ABHD3: variants seen among roughly 807,000 people sequenced by gnomAD.
ABHD3 encodes abhydrolase domain containing 3, phospholipase.
In ABHD3, 46 loss-of-function variants were observed where a neutral mutation model predicts 48.8. That is an observed-to-expected ratio of 0.94 (90% CI 0.74 to 1.20). ABHD3 has a LOEUF of 1.20. Ranked by LOEUF, ABHD3 falls within the 50% of genes most tolerant of loss-of-function variation. ABHD3 has a pLI of 0.00. For missense variants in ABHD3, 490 were observed against 497.8 expected, an observed-to-expected ratio of 0.98 and a Z score of 0.15; for synonymous variants, 192 against 183.7, an observed-to-expected ratio of 1.04 and a Z score of -0.36.
intron 3 of ABHD3, 101 bp downstream of exon 3, chr18:21,702,215 C>A: frequency 9.4e-7 from 1 of 1,067,562 alleles, no homozygotes. Flanking sequence ...GACTGCTTTT[C>A]TATGCAAGAA....
At position 21,659,356 on chromosome 18, in the gene ABHD3, G is replaced by A. The variant is rs1474190543; in HGVS notation, c.669-13C>T. ...TAGAAGCAGCATTCTAAAATGGGGA[G>A]AAACAGGAAACTCAGTGATTAATTT... On this transcript the variant is annotated splice_polypyrimidine_tract_variant and intron_variant, in intron 5 of 8. Transcript: ENST00000289119. The A allele has an allele frequency of 1.3e-6, 2 of 1,598,136 alleles. No individual in the cohort carries two copies. The highest frequency in any genetic ancestry group is 2.3e-5 in the South Asian group (2 of 88,420).
chr18:21,683,322 G>A (rs910019732), intron 4 of ABHD3, among the ~76,000 whole-genome samples: 1 of 151,816 alleles, frequency 6.6e-6, no homozygotes, highest in South Asian at 2.1e-4. Flanking sequence ...AGAATTAGAG[G>A]GGGAAAAAAA....
At chr18:21,684,479 C>T (rs1051044149) in intron 3 of ABHD3, among the ~76,000 whole-genome samples, 5 of 151,600 alleles carry the variant, frequency 3.3e-5, no homozygotes, top group South Asian at 2.1e-4. Context: ...CCACCATGCG[C>T]GGCTAATTTT....
In ABHD3 at chr18:21,659,324, A is replaced by C. The variant is rs770007403; in HGVS notation, c.688T>G (p.Leu230Val). 54 of 1,609,508 alleles carry C rather than the reference A, an allele frequency of 3.4e-5. No individual in the cohort carries two copies. Among genetic ancestry groups the C allele is most frequent in the Non-Finnish European group, 4.4e-5 (52 of 1,178,898 alleles). The change falls in exon 6 of 9, where the codon TTG (leucine) becomes GTG (valine). Residue 230 changes from leucine (L) to valine (V), a missense_variant. By Grantham distance (32) the Leu-to-Val change is conservative. Coordinates refer to ENST00000289119, the MANE Select transcript of ABHD3 (RefSeq NM_138340.5). Reference sequence around the variant, plus strand: ...GGCGTTTTGGACCCAATTTTGCCCAAGTAATTTAGAAGCAGCATTCTAAAA... The same window carrying C: ...GGCGTTTTGGACCCAATTTTGCCCACGTAATTTAGAAGCAGCATTCTAAAA... ...SMGGMLLLNY[L>V]GKIGSKTPLM... is the part of the protein sequence containing the mutation.
At chr18:21,696,881 CTTATT>C (rs1463665441) in intron 3 of ABHD3, among the ~76,000 whole-genome samples, 1 of 151,850 alleles carries the variant, frequency 6.6e-6, no homozygotes, top group Admixed American at 6.6e-5. Flanking sequence ...CCTGGCCTCT[CTTATT>C]TTATTTACCT....
chr18:21,704,396 G>T, intron 1 of ABHD3, 108 bp downstream of exon 1: 1 of 1,145,628 alleles, frequency 8.7e-7, no homozygotes, highest in Non-Finnish European at 1.1e-6. Flanking sequence ...GCAGCTCGCC[G>T]CCTATCCCCG....
chr18:21,688,355 G>T (rs1278827856), intron 3 of ABHD3, among the ~76,000 whole-genome samples: 1 of 152,168 alleles, frequency 6.6e-6, no homozygotes, highest in Non-Finnish European at 1.5e-5. Context: ...AACATTCAGA[G>T]ATCAGCTAGT....
intron 2 of ABHD3, 25 bp from the exon 3 acceptor site, chr18:21,702,523 T>A (rs1480431007): frequency 1.3e-6 from 2 of 1,512,810 alleles, no homozygotes; most frequent in African/African-American, 2.8e-5. Context: ...TCAGAAGACA[T>A]TACTATTTAC....
At chr18:21,695,966 G>C (rs916636497) in intron 3 of ABHD3, among the ~76,000 whole-genome samples, 1 of 152,070 alleles carries the variant, frequency 6.6e-6, no homozygotes, top group African/African-American at 2.4e-5. Context: ...TATAATTCTG[G>C]ATGGGTCATT....
At position 21,657,080 on chromosome 18, in the gene ABHD3, TATTACA is replaced by T; in HGVS notation, c.891+18_891+23del. 4 of 1,613,820 alleles carry T rather than the reference TATTACA, an allele frequency of 2.5e-6. No homozygotes were observed. The highest frequency in any genetic ancestry group is 3.4e-6 in the Non-Finnish European group (4 of 1,179,856). On this transcript the variant is annotated intron_variant, in intron 7 of 8. Coordinates refer to ENST00000289119, the MANE Select transcript of ABHD3 (RefSeq NM_138340.5). ...TCTTGCCCAAAAGAAGAAATAAAAG[TATTACA>T]TAAAGTTTCTCTCCTACCTTCATGA...
intron 3 of ABHD3, among the ~76,000 whole-genome samples, chr18:21,687,471 A>G (rs1369535195): frequency 6.6e-6 from 1 of 151,982 alleles, no homozygotes; most frequent in Non-Finnish European, 1.5e-5. Context: ...TTGGCCTCCT[A>G]AAGTGCTGGG....
chr18:21,704,318 C>G (rs1304525205), intron 1 of ABHD3, among the ~76,000 whole-genome samples, 186 bp downstream of exon 1: 1 of 152,132 alleles, frequency 6.6e-6, no homozygotes, highest in Non-Finnish European at 1.5e-5. Context: ...GGCCGGGACC[C>G]CCAGGGGGCG....
At chr18:21,703,219 C>G (rs1258404054) in intron 2 of ABHD3, among the ~76,000 whole-genome samples, 1 of 63,050 alleles carries the variant, frequency 1.6e-5, no homozygotes, top group African/African-American at 6.5e-5. Flanking sequence ...TCTCACCCCA[C>G]CCCCCCCCCC....
chr18:21,671,831 C>A (rs1222414682), intron 4 of ABHD3, among the ~76,000 whole-genome samples: 1 of 152,052 alleles, frequency 6.6e-6, no homozygotes, highest in African/African-American at 2.4e-5. Context: ...GAAATGAGGT[C>A]TCACTATTTT....
At chr18:21,670,179 C>A (rs1412591253) in intron 4 of ABHD3, among the ~76,000 whole-genome samples, 2 of 152,094 alleles carry the variant, frequency 1.3e-5, no homozygotes. Flanking sequence ...TTCTGGTCTG[C>A]CCTAAGTGCA....
At chr18:21,675,477 C>CA (rs974825130) in intron 4 of ABHD3, among the ~76,000 whole-genome samples, 3 of 151,860 alleles carry the variant, frequency 2.0e-5, no homozygotes, top group African/African-American at 7.3e-5. Context: ...CTGTGTTAGC[C>CA]AGAATGGTCT....
At chr18:21,666,416 A>T (rs1389448784) in intron 4 of ABHD3, among the ~76,000 whole-genome samples, 2 of 151,872 alleles carry the variant, frequency 1.3e-5, no homozygotes, top group African/African-American at 2.4e-5. Flanking sequence ...CTGGTCTCTA[A>T]CTCCTGACCT....
intron 3 of ABHD3, among the ~76,000 whole-genome samples, chr18:21,690,996 CAAAAA>C (rs34425997): frequency 3.2e-5 from 2 of 63,228 alleles, no homozygotes; most frequent in African/African-American, 6.1e-5. Context: ...GACTCTGTCT[CAAAAA>C]AAAAAAAAAA....
chr18:21,663,448 C>T (rs1462263913), intron 5 of ABHD3, among the ~76,000 whole-genome samples: 1 of 151,110 alleles, frequency 6.6e-6, no homozygotes, highest in Non-Finnish European at 1.5e-5. Context: ...TTAAGCTCAC[C>T]ATCACTAGAA....
Sources: allele counts gnomAD v4.1 joint callset (sites outside exome capture counted in the v4.1 genomes callset), GRCh38; gene constraint gnomAD v4.1.1; transcripts MANE v1.5; gene names NCBI Gene and HGNC (gene_info 2026-07-23, HGNC 2026-07-21).